MANBAL: variants seen among roughly 807,000 people sequenced by gnomAD.
MANBAL encodes the protein protein MANBAL.
Under a neutral mutation model 6.4 loss-of-function variants are expected in MANBAL, and 1 was observed. The observed-to-expected ratio is 0.16, with a 90% CI of 0.06 to 0.74. The LOEUF (loss-of-function observed/expected upper bound fraction) is 0.74, where lower values mean the gene tolerates loss of function less well. MANBAL is among the 30% of genes least tolerant of loss of function. MANBAL has a pLI of 0.78. For synonymous variants in MANBAL, 47 were observed against 45.8 expected (o/e 1.03, Z -0.10); for missense variants, 100 against 107.8 (o/e 0.93, Z 0.32).
chr20:37,315,287 C>G (rs967535196), intron 2 of MANBAL, among the ~76,000 whole-genome samples: 2 of 152,232 alleles, frequency 1.3e-5, no homozygotes, highest in Non-Finnish European at 2.9e-5. Context: ...GTGGCCTGGA[C>G]GAGGCCTGTG....
chr20:37,305,364 G>A lies in MANBAL; in HGVS notation c.150+3951G>A, dbSNP rs1472116087. On this transcript the variant is annotated intron_variant, in intron 2 of 2. Coordinates refer to ENST00000373606, the MANE Select transcript of MANBAL (RefSeq NM_001003897.2). ...CTGCTCACCTCCTGTTGTGTTTGAAGCCCTTAGAAGTAAGCCACAGAAGCC... is the reference window on the plus strand; with the variant it reads ...CTGCTCACCTCCTGTTGTGTTTGAAACCCTTAGAAGTAAGCCACAGAAGCC... Among the ~76,000 whole-genome samples, 3 of 152,144 alleles carry A rather than the reference G, an allele frequency of 2.0e-5. No homozygotes were observed. In the East Asian group the frequency reaches 5.8e-4, roughly 29 times the overall value.
chr20:37,313,418 T>G (rs2069433814), intron 2 of MANBAL, among the ~76,000 whole-genome samples: 1 of 149,174 alleles, frequency 6.7e-6, no homozygotes, highest in Non-Finnish European at 1.5e-5. Context: ...AATAGTGGCA[T>G]TATGGGCTGG....
intron 2 of MANBAL, among the ~76,000 whole-genome samples, chr20:37,312,931 A>G (rs2069420507): frequency 6.6e-6 from 1 of 152,162 alleles, no homozygotes; most frequent in African/African-American, 2.4e-5. Context: ...TAAGTGCTGT[A>G]TTTTCATGGG....
chr20:37,309,253 T>C (rs774123823), intron 2 of MANBAL, among the ~76,000 whole-genome samples: 1 of 152,250 alleles, frequency 6.6e-6, no homozygotes, highest in Non-Finnish European at 1.5e-5. Context: ...AGTGCCCTTA[T>C]CAGTCGGGAT....
chr20:37,310,172 A>C (rs1007698462), intron 2 of MANBAL, among the ~76,000 whole-genome samples: 1 of 152,206 alleles, frequency 6.6e-6, no homozygotes, highest in Non-Finnish European at 1.5e-5. Context: ...CCGCCTGCCA[A>C]GCGCATCCTG....
intron 2 of MANBAL, among the ~76,000 whole-genome samples, chr20:37,313,603 G>A (rs934909702): frequency 6.6e-6 from 1 of 151,956 alleles, no homozygotes; most frequent in Non-Finnish European, 1.5e-5. Context: ...CTACTCAGGA[G>A]GCTGAGGCAG....
intron 2 of MANBAL, among the ~76,000 whole-genome samples, chr20:37,305,152 A>G (rs1326117342): frequency 6.6e-6 from 1 of 152,212 alleles, no homozygotes; most frequent in East Asian, 1.9e-4. Flanking sequence ...ATTGTATCGC[A>G]TTTTAAAAAC....
intron 1 of MANBAL, among the ~76,000 whole-genome samples, chr20:37,296,019 A>G (rs865899222): frequency 1.3e-5 from 2 of 152,104 alleles, no homozygotes; most frequent in Non-Finnish European, 2.9e-5. Context: ...AGAGCAGTTT[A>G]TGTTTCCAGA....
At position 37,301,386 on chromosome 20, in the gene MANBAL, C is replaced by T. The variant is rs372830717; in HGVS notation, c.123C>T (p.Ile41=). ...AGCTCATCTGTGTGCTGGCCATCAT[C>T]GTACCCATTCCCAAGTCCCACGAGG... ...IFQLICVLAI[I]VPIPKSHEAE... is the part of the protein sequence containing the mutation. The change falls in exon 2 of 3, where the codon ATC becomes ATT. Residue 41 remains isoleucine, a synonymous_variant. Transcript: ENST00000373606. 5.5e-5 allele frequency: 89 copies of T among 1,613,030 alleles called. No individual in the cohort carries two copies. The South Asian group carries it at 5.7e-4, about 10-fold the overall frequency.
chr20:37,309,840 C>A (rs1206480792), intron 2 of MANBAL, among the ~76,000 whole-genome samples: 1 of 152,140 alleles, frequency 6.6e-6, no homozygotes, highest in Non-Finnish European at 1.5e-5. Context: ...CACCCATTCT[C>A]AACACCTCAG....
At chr20:37,315,101 C>T (rs1488093340) in intron 2 of MANBAL, among the ~76,000 whole-genome samples, 1 of 152,178 alleles carries the variant, frequency 6.6e-6, no homozygotes, top group East Asian at 1.9e-4. Context: ...GGTGTGGGGG[C>T]CACGGTCGGC....
intron 2 of MANBAL, among the ~76,000 whole-genome samples, chr20:37,305,545 A>G (rs2069237931): frequency 6.6e-6 from 1 of 152,198 alleles, no homozygotes; most frequent in Admixed American, 6.5e-5. Context: ...TTTAGAGGTT[A>G]CTTTTGGACA....
At chr20:37,307,128 A>G (rs764836647) in intron 2 of MANBAL, among the ~76,000 whole-genome samples, 45 of 152,116 alleles carry the variant, frequency 3.0e-4, no homozygotes, top group Middle Eastern at 6.8e-3. Context: ...CACCTGGCTA[A>G]TTTTTAAATA....
At chr20:37,310,316 C>T (rs542022760) in intron 2 of MANBAL, among the ~76,000 whole-genome samples, 3 of 152,374 alleles carry the variant, frequency 2.0e-5, no homozygotes, top group Admixed American at 6.5e-5. Flanking sequence ...CCCACCCTGT[C>T]TCAGGCCCTC....
At chr20:37,305,888 A>G (rs1330487382) in intron 2 of MANBAL, among the ~76,000 whole-genome samples, 1 of 152,178 alleles carries the variant, frequency 6.6e-6, no homozygotes, top group Non-Finnish European at 1.5e-5. Context: ...CATTCTGTGC[A>G]TAAACAGGAT....
At chr20:37,299,542 C>T (rs561245254) in intron 1 of MANBAL, among the ~76,000 whole-genome samples, 1 of 152,312 alleles carries the variant, frequency 6.6e-6, no homozygotes, top group Admixed American at 6.5e-5. Context: ...TTGGATAGCT[C>T]AGACTTAGCA....
In MANBAL at chr20:37,292,245, TTGTC is replaced by T. The variant is rs763830986; in HGVS notation, c.-57+2563_-57+2566del. On this transcript the variant is annotated intron_variant, in intron 1 of 2. Coordinates refer to ENST00000373606, the MANE Select transcript of MANBAL (RefSeq NM_001003897.2). ...TTATTTGGAGTTCTCTGTGGGAAAT[TTGTC>T]TGTTCCCCTATTTTTTGCTTACAGA... 2.3e-4 allele frequency among the ~76,000 whole-genome samples: 35 copies of T among 152,192 alleles called. 2 individuals carry two copies. The highest frequency in any genetic ancestry group is 1.5e-5 in the Non-Finnish European group (1 of 68,026).
rs770082785 is a variant in MANBAL at position 37,301,220 on chromosome 20, A to G, written c.-44A>G. ...TTGCATTTACAAGTTGGTTCTAAAG[A>G]GTGGTGAGTCAGAAGAGACGTCAGG... On this transcript the variant is annotated 5_prime_UTR_variant, in exon 2 of 3. Transcript: ENST00000373606. The G allele has an allele frequency of 6.7e-7, 1 of 1,500,642 alleles. No individual in the cohort carries two copies. The highest frequency in any genetic ancestry group is 8.9e-7 in the Non-Finnish European group (1 of 1,117,928). The allele number at this position is 1,500,642 out of a possible 1,614,324, so 93.0% of individuals were successfully genotyped here.
At chr20:37,302,312 T>G in intron 2 of MANBAL, 2 of 1,550,620 alleles carry the variant, frequency 1.3e-6, no homozygotes, top group East Asian at 2.4e-5. Context: ...TCCATTCCAG[T>G]CAGGTTATTG....
Sources: allele counts gnomAD v4.1 joint callset (sites outside exome capture counted in the v4.1 genomes callset), GRCh38; gene constraint gnomAD v4.1.1; transcripts MANE v1.5; gene names NCBI Gene and HGNC (gene_info 2026-07-23, HGNC 2026-07-21).